Variants in PNLDC1 observed in about 807,000 individuals in gnomAD.
PNLDC1 encodes the protein PARN like ribonuclease domain containing exonuclease 1.
PNLDC1 carries 70 observed loss-of-function variants against 82.0 expected under a neutral mutation model. That is an observed-to-expected ratio of 0.85 (90% CI 0.70 to 1.04). The LOEUF (loss-of-function observed/expected upper bound fraction) is 1.04, where lower values mean the gene tolerates loss of function less well. Ranked by LOEUF, PNLDC1 falls within the 50% of genes least tolerant of loss-of-function variation. The pLI, the probability that PNLDC1 is intolerant of heterozygous loss-of-function variation, is 0.00. For synonymous variants in PNLDC1, 280 were observed against 249.3 expected (o/e 1.12, Z -1.16); for missense variants, 631 against 661.1 (o/e 0.95, Z 0.50).
chr6:159,812,919 A>T (rs1334270808), intron 11 of PNLDC1, among the ~76,000 whole-genome samples: 1 of 152,150 alleles, frequency 6.6e-6, no homozygotes, highest in Non-Finnish European at 1.5e-5. Context: ...GCTACTTGGG[A>T]GGCGTAAGTG....
At chr6:159,800,241 G>T, upstream of PNLDC1, 1 of 1,454,734 alleles carries the variant, frequency 6.9e-7, no homozygotes, top group Non-Finnish European at 9.3e-7. Context: ...GCGGCGCGAC[G>T]GAAGCGCGTG....
rs1427236879 is a variant in PNLDC1 at position 159,803,394 on chromosome 6, C to A, written c.248+84C>A. 2.7e-5 allele frequency: 36 copies of A among 1,316,442 alleles called. 1 individual carries two copies. The South Asian group carries it at 2.8e-4, about 10-fold the overall frequency. 81.5% of individuals were successfully genotyped at this position (1,316,442 alleles called of 1,614,324 possible). A position where few individuals can be genotyped will look rare whatever the true frequency, so the allele number is the denominator to read the frequency against. ...ACCTTCAAATTCTGCCTCAGGTGCC[C>A]CGATCACTTTTGCCCTGGATCTTCC... On this transcript the variant is annotated intron_variant, in intron 4 of 18. Coordinates refer to ENST00000392167, the MANE Select transcript of PNLDC1 (RefSeq NM_001271862.2).
At chr6:159,808,839 G>C (rs771962424) in intron 8 of PNLDC1, 23 bp downstream of exon 8, 1 of 1,612,036 alleles carries the variant, frequency 6.2e-7, no homozygotes, top group Admixed American at 1.7e-5. Flanking sequence ...TGCGAACGGG[G>C]CATCAGTGGC....
intron 15 of PNLDC1, among the ~76,000 whole-genome samples, chr6:159,818,339 T>C (rs1055190720): frequency 1.3e-5 from 2 of 152,172 alleles, no homozygotes; most frequent in Non-Finnish European, 2.9e-5. Context: ...ATGGTGACTG[T>C]CTGGAAGCTC....
In PNLDC1 at chr6:159,819,391, C is replaced by T; in HGVS notation, c.1532+39C>T. 1.3e-6 allele frequency: 2 copies of T among 1,574,982 alleles called. No homozygotes were observed. Among genetic ancestry groups the T allele is most frequent in the Non-Finnish European group, 1.7e-6 (2 of 1,151,836 alleles). ...TGAGGCCACCTGCCTGTCCTGGGGT[C>T]CTGGAGTGCCCGGGGTCCCAGCATC... On this transcript the variant is annotated intron_variant, in intron 18 of 18. Coordinates refer to ENST00000392167, the MANE Select transcript of PNLDC1 (RefSeq NM_001271862.2). The surrounding 1 kb of genome is among the most constrained non-coding windows in gnomAD (Gnocchi z 4.6).
chr6:159,808,659 T>G, intron 7 of PNLDC1, 81 bp from the exon 8 acceptor site: 1 of 1,324,602 alleles, frequency 7.5e-7, no homozygotes, highest in Non-Finnish European at 1.1e-6. Flanking sequence ...CATCTCAGCT[T>G]CTGCTCCTCC....
At chr6:159,806,884 C>A (rs1242963494) in intron 7 of PNLDC1, among the ~76,000 whole-genome samples, 1 of 134,794 alleles carries the variant, frequency 7.4e-6, no homozygotes, top group African/African-American at 2.7e-5. Flanking sequence ...GCTGAATTAG[C>A]TGCCTTTTTT....
At chr6:159,814,409 T>C (rs1781748390) in intron 12 of PNLDC1, among the ~76,000 whole-genome samples, 2 of 152,202 alleles carry the variant, frequency 1.3e-5, no homozygotes, top group East Asian at 1.9e-4. Flanking sequence ...CCATGTGGCC[T>C]CATCCACCCC....
At chr6:159,806,149 TG>T in intron 7 of PNLDC1, 66 bp downstream of exon 7, 1 of 1,233,336 alleles carries the variant, frequency 8.1e-7, no homozygotes, top group Non-Finnish European at 1.2e-6. Context: ...TGCCAGGAGT[TG>T]GGGGAAACAC....
chr6:159,816,631 T>A, intron 14 of PNLDC1, 35 bp downstream of exon 14: 1 of 56,946 alleles, frequency 1.8e-5, no homozygotes, highest in Non-Finnish European at 2.3e-5. Flanking sequence ...GGAAACTCAC[T>A]TTTTTTTTTT....
upstream of PNLDC1, chr6:159,800,232 C>A (rs1009667853): frequency 1.1e-5 from 15 of 1,406,376 alleles, no homozygotes; most frequent in East Asian, 2.5e-4. Flanking sequence ...TAAGACCCGG[C>A]GGCGCGACGG....
chr6:159,820,318 G>A (rs1353172906), intron 18 of PNLDC1, 136 bp from the exon 19 acceptor site: 2 of 801,338 alleles, frequency 2.5e-6, no homozygotes, highest in Non-Finnish European at 4.1e-6. Flanking sequence ...CAGAAGTTCA[G>A]TGTTGTCGTC....
chr6:159,803,178 G>A (rs1394363658), intron 3 of PNLDC1, 93 bp from the exon 4 acceptor site: 1 of 1,180,604 alleles, frequency 8.5e-7, no homozygotes, highest in Non-Finnish European at 1.3e-6. Context: ...AGTATCTGTG[G>A]GCGCAAAGTA....
chr6:159,807,423 G>C (rs1265048207), intron 7 of PNLDC1, among the ~76,000 whole-genome samples: 2 of 151,864 alleles, frequency 1.3e-5, no homozygotes, highest in Non-Finnish European at 1.5e-5. Flanking sequence ...GTCACTTCAA[G>C]GAAGATAACT....
chr6:159,819,272 G>C lies in PNLDC1; in HGVS notation c.1452G>C (p.Lys484Asn). The change falls in exon 18 of 19, where the codon AAG becomes AAC. Residue 484 changes from lysine to asparagine, a missense_variant. Transcript: ENST00000392167. The surrounding 1 kb of genome is among the most constrained non-coding windows in gnomAD (Gnocchi z 4.6). ...NKFKDARNIL[K>N]EYRDHPTLCI... ...TTGGCAGTGCGCGGAACATCCTGAA[G>C]GAGTACCGGGACCACCCGACCCTGT... 1 of 1,613,914 alleles carries C rather than the reference G, an allele frequency of 6.2e-7. No homozygotes were observed. Among genetic ancestry groups the C allele is most frequent in the Non-Finnish European group, 8.5e-7 (1 of 1,180,016 alleles).
At chr6:159,799,698 C>A (rs1248381850), upstream of PNLDC1, among the ~76,000 whole-genome samples, 3 of 152,106 alleles carry the variant, frequency 2.0e-5, no homozygotes, top group Non-Finnish European at 2.9e-5. Flanking sequence ...ACGAGATAAT[C>A]CCTGGGGACC....
chr6:159,799,515 C>T (rs1203328035), upstream of PNLDC1, among the ~76,000 whole-genome samples: 2 of 152,126 alleles, frequency 1.3e-5, no homozygotes, highest in Non-Finnish European at 1.5e-5. Context: ...ATTTGAGCAC[C>T]TCACTTTGAG....
upstream of PNLDC1, among the ~76,000 whole-genome samples, chr6:159,799,548 T>TC (rs1781158648): frequency 6.6e-6 from 1 of 152,142 alleles, no homozygotes; most frequent in South Asian, 2.1e-4. Flanking sequence ...AAAACGCTGT[T>TC]CAAGTAGAAG....
intron 6 of PNLDC1, 167 bp from the exon 7 acceptor site, chr6:159,805,816 C>G (rs1781426716): frequency 3.3e-6 from 2 of 609,002 alleles, no homozygotes; most frequent in Non-Finnish European, 6.0e-6. Context: ...GTTTGGCTTC[C>G]TATTGCATAA....
Sources: gnomAD v4.1 joint callset for allele counts (sites outside exome capture counted in the v4.1 genomes callset) on GRCh38, gnomAD v4.1.1 for gene constraint, Gnocchi (gnomAD v3.1) non-coding constraint, MANE v1.5 for transcripts, NCBI Gene and HGNC (gene_info 2026-07-23, HGNC 2026-07-21) for gene names.